Variants in EVC2 observed in about 807,000 individuals in gnomAD.
The protein encoded by EVC2 is EvC ciliary complex subunit 2, also known as limbin.
A neutral mutation model predicts 149.3 loss-of-function variants in EVC2; 148 were observed. That is an observed-to-expected ratio of 0.99 (90% confidence interval 0.87 to 1.14). The LOEUF (loss-of-function observed/expected upper bound fraction) is 1.14, where lower values mean the gene tolerates loss of function less well. Among genes scored for constraint, EVC2 ranks in the 50% most tolerant of loss-of-function variants. EVC2 has a pLI of 0.00. For missense variants in EVC2, 1,854 were observed against 1,627.3 expected, an observed-to-expected ratio of 1.14 and a Z score of -2.40; for synonymous variants, 776 against 649.9, an observed-to-expected ratio of 1.19 and a Z score of -2.95.
chr4:5,529,669 G>A, the EVC2 span, among the ~76,000 whole-genome samples: 1 of 152,108 alleles, frequency 6.6e-6, no homozygotes, highest in Admixed American at 6.5e-5. The surrounding 1 kb of genome is among the most constrained non-coding windows in gnomAD (Gnocchi z 4.5). Context: ...TAATACTTAG[G>A]AATGTTCCCA....
At chr4:5,688,884 T>C (rs113294715) in intron 5 of EVC2, among the ~76,000 whole-genome samples, 1 of 152,164 alleles carries the variant, frequency 6.6e-6, no homozygotes, top group East Asian at 1.9e-4. Context: ...ATAATAAAAA[T>C]AGACTATGTA....
the EVC2 span, among the ~76,000 whole-genome samples, chr4:5,531,351 T>C: frequency 2.6e-5 from 4 of 152,168 alleles, no homozygotes; most frequent in African/African-American, 9.7e-5. Context: ...GGTGTGGTAT[T>C]TGCATATAAC....
intron 16 of EVC2, among the ~76,000 whole-genome samples, chr4:5,586,451 A>G (rs1347160130): frequency 1.3e-5 from 2 of 152,162 alleles, no homozygotes; most frequent in Non-Finnish European, 2.9e-5. Flanking sequence ...CAGCAAGGGG[A>G]TTCCAAAGTC....
chr4:5,624,238 GT>G (rs1295446389), intron 13 of EVC2, among the ~76,000 whole-genome samples: 2 of 152,204 alleles, frequency 1.3e-5, no homozygotes, highest in African/African-American at 4.8e-5. Flanking sequence ...CTTTATAACA[GT>G]GGGTCCACAG....
chr4:5,706,661 G>T (rs1314431706), intron 1 of EVC2, among the ~76,000 whole-genome samples: 1 of 152,044 alleles, frequency 6.6e-6, no homozygotes, highest in Non-Finnish European at 1.5e-5. Flanking sequence ...CCCCACAAGA[G>T]GGAGTGGCCA....
At position 5,628,742 on chromosome 4, in the gene EVC2, T is replaced by C. The variant is rs1349014081; in HGVS notation, c.1711-8A>G. The C allele has an allele frequency of 6.4e-7, 1 of 1,568,232 alleles. No individual in the cohort carries two copies. Among genetic ancestry groups the C allele is most frequent in the Non-Finnish European group, 8.5e-7 (1 of 1,170,214 alleles). ...TAACTCTTCTACATTCTCCTGTCAA[T>C]TAAAAAAAAAAACAAGAAAATATGC... On this transcript the variant is annotated splice_polypyrimidine_tract_variant and splice_region_variant and intron_variant, in intron 11 of 21. Coordinates refer to ENST00000344408, the MANE Select transcript of EVC2 (RefSeq NM_147127.5).
chr4:5,563,082 C>G lies in EVC2; in HGVS notation c.3693G>C (p.Glu1231Asp), dbSNP rs1409601310. ...TTCCTTTTCCAGAGAATATCATCCT[C>G]TCTCTGAGAGGGAGACATGTCTTCT... ...ILKKTCLPLR[E>D]RMIFSGKGSW... Residue 1231 changes from glutamate (E) to aspartate (D), a missense_variant, in exon 22 of 22, where the codon GAG (glutamate) becomes GAC (aspartate). Coordinates refer to ENST00000344408, the MANE Select transcript of EVC2 (RefSeq NM_147127.5). The G allele has an allele frequency of 1.9e-6, 3 of 1,614,100 alleles. No individual in the cohort carries two copies. Among genetic ancestry groups the G allele is most frequent in the Admixed American group, 3.3e-5 (2 of 60,024 alleles).
intron 16 of EVC2, among the ~76,000 whole-genome samples, chr4:5,596,090 A>G (rs1489017993): frequency 1.3e-5 from 2 of 152,228 alleles, no homozygotes; most frequent in Non-Finnish European, 2.9e-5. Flanking sequence ...TGACCTACAA[A>G]GAGACTTAGA....
chr4:5,653,498 C>T (rs1455544743), intron 9 of EVC2, among the ~76,000 whole-genome samples: 1 of 152,192 alleles, frequency 6.6e-6, no homozygotes, highest in Non-Finnish European at 1.5e-5. Flanking sequence ...GCTTTATCTT[C>T]AGGTTAGCTC....
intron 7 of EVC2, among the ~76,000 whole-genome samples, chr4:5,674,321 A>G (rs886942137): frequency 1.3e-5 from 2 of 152,186 alleles, no homozygotes; most frequent in African/African-American, 4.8e-5. Context: ...ATCACACAGC[A>G]TGATTCTGAC....
chr4:5,587,592 C>T lies in EVC2; in HGVS notation c.2830-2742G>A, dbSNP rs187584814. 5.6e-3 allele frequency among the ~76,000 whole-genome samples: 858 copies of T among 152,220 alleles called. 8 individuals carry two copies. Among genetic ancestry groups the T allele is most frequent in the African/African-American group, 0.02 (816 of 41,524 alleles). On this transcript the variant is annotated intron_variant, in intron 16 of 21. Coordinates refer to ENST00000344408, the MANE Select transcript of EVC2 (RefSeq NM_147127.5). ...TGTGTGGTTCTGTAGCGGGAAGAGC[C>T]GCAGACAAAACCCCTCAGACACCGA...
At chr4:5,683,613 AAGGG>A (rs1399420281) in intron 6 of EVC2, among the ~76,000 whole-genome samples, 7 of 152,060 alleles carry the variant, frequency 4.6e-5, no homozygotes, top group African/African-American at 1.7e-4. Flanking sequence ...AGGGGTTCCT[AAGGG>A]GTAGAGTCAA....
chr4:5,566,011 G>A (rs528893434), intron 20 of EVC2, among the ~76,000 whole-genome samples: 10 of 152,334 alleles, frequency 6.6e-5, no homozygotes, highest in South Asian at 2.1e-4. Flanking sequence ...AATGCTCTAC[G>A]CAAGCAGGGC....
intron 16 of EVC2, among the ~76,000 whole-genome samples, chr4:5,607,550 T>C (rs1714487783): frequency 6.6e-6 from 1 of 152,134 alleles, no homozygotes. Flanking sequence ...ACAGGATAGC[T>C]ACCTGTGACC....
At chr4:5,705,526 T>C (rs1722073875) in intron 1 of EVC2, among the ~76,000 whole-genome samples, 1 of 142,900 alleles carries the variant, frequency 7.0e-6, no homozygotes. Context: ...CCATTGCATA[T>C]TAACATAAAT....
intron 7 of EVC2, among the ~76,000 whole-genome samples, chr4:5,676,804 G>A (rs987957046): frequency 2.6e-5 from 4 of 152,066 alleles, no homozygotes; most frequent in Admixed American, 2.0e-4. Flanking sequence ...TATATTTCAG[G>A]TCACAAACTC....
In EVC2 at chr4:5,691,303, T is replaced by C. The variant is rs780323237; in HGVS notation, c.481A>G (p.Thr161Ala). ...YGDISREVQG[T>A]SENGVIFQKC... ...TGAAAAATTACTCCATTTTCAGAAG[T>C]CCCTTGAACTTCTCTTGAAATGTCC... Residue 161 changes from threonine (T) to alanine (A), a missense_variant, in exon 4 of 22, where the codon ACT becomes GCT. Thr to Ala is a moderately conservative substitution (Grantham distance 58). Transcript: ENST00000344408. 3.7e-6 allele frequency: 6 copies of C among 1,613,546 alleles called. No individual in the cohort carries two copies. Among genetic ancestry groups the C allele is most frequent in the Non-Finnish European group, 5.1e-6 (6 of 1,179,694 alleles).
intron 17 of EVC2, among the ~76,000 whole-genome samples, chr4:5,578,934 G>C (rs1283951553): frequency 1.3e-5 from 2 of 152,110 alleles, no homozygotes; most frequent in African/African-American, 4.8e-5. Flanking sequence ...ATATAGATAG[G>C]AGTTTGCAAG....
chr4:5,694,973 C>T (rs1230079045), intron 2 of EVC2, among the ~76,000 whole-genome samples: 1 of 152,148 alleles, frequency 6.6e-6, no homozygotes, highest in Non-Finnish European at 1.5e-5. Context: ...GCAGAGTAAG[C>T]CCTCAGTGAA....
Sources: allele counts gnomAD v4.1 joint callset (sites outside exome capture counted in the v4.1 genomes callset), GRCh38; gene constraint gnomAD v4.1.1; non-coding constraint Gnocchi (gnomAD v3.1); transcripts MANE v1.5; gene names NCBI Gene and HGNC (gene_info 2026-07-23, HGNC 2026-07-21).